DAB1: variants seen among roughly 807,000 people sequenced by gnomAD.
DAB1 encodes the protein DAB adaptor protein 1.
Under a neutral mutation model 64.6 loss-of-function variants are expected in DAB1, and 15 were observed. The ratio of observed to expected loss-of-function variants is 0.23; its 90% confidence interval spans 0.16 to 0.36. The LOEUF (loss-of-function observed/expected upper bound fraction) is 0.36. DAB1 is among the 10% of genes least tolerant of loss of function. The pLI is 1.00. For synonymous variants in DAB1, 235 were observed against 251.9 expected, an observed-to-expected ratio of 0.93 and a Z score of 0.64; for missense variants, 596 against 706.7, an observed-to-expected ratio of 0.84 and a Z score of 1.78.
intron 6 of DAB1, among the ~76,000 whole-genome samples, chr1:57,661,103 A>G (rs1646380982): frequency 6.6e-6 from 1 of 152,156 alleles, no homozygotes; most frequent in South Asian, 2.1e-4. Context: ...CCTTGTGATG[A>G]GACTTCTGGC....
At chr1:57,031,650 G>A (rs937963430) in intron 9 of DAB1, among the ~76,000 whole-genome samples, 2 of 152,160 alleles carry the variant, frequency 1.3e-5, no homozygotes, top group African/African-American at 2.4e-5. Context: ...CTTGTTCATC[G>A]ATCCATCACT....
chr1:58,071,651 C>G (rs1649273423), intron 5 of DAB1: 1 of 152,056 alleles, frequency 6.6e-6, no homozygotes, highest in African/African-American at 2.4e-5. Context: ...TTTACACAAG[C>G]CTTGAGGTTC....
intron 7 of DAB1, among the ~76,000 whole-genome samples, chr1:57,505,748 G>T (rs1321904948): frequency 6.6e-6 from 1 of 152,090 alleles, no homozygotes; most frequent in Non-Finnish European, 1.5e-5. Context: ...ACGGCTCACT[G>T]CAGCCTCAGC....
At chr1:58,413,469 G>A (rs1461851936) in intron 3 of DAB1, among the ~76,000 whole-genome samples, 1 of 152,088 alleles carries the variant, frequency 6.6e-6, no homozygotes, top group Non-Finnish European at 1.5e-5. Context: ...TCAAACTTGG[G>A]TGACCTTCTC....
At chr1:58,284,021 C>T (rs1661626166) in intron 4 of DAB1, among the ~76,000 whole-genome samples, 1 of 22,664 alleles carries the variant, frequency 4.4e-5, no homozygotes, top group South Asian at 2.3e-3. Flanking sequence ...AAGGGAAAAC[C>T]CACCTTTTCT....
At chr1:57,225,027 G>A (rs527301455) in intron 2 of DAB1, among the ~76,000 whole-genome samples, 61 of 152,290 alleles carry the variant, frequency 4.0e-4, no homozygotes, top group South Asian at 3.7e-3. Flanking sequence ...ACATATCAAG[G>A]ACACCTAGGG....
chr1:58,372,677 G>A (rs1034578303), intron 3 of DAB1, among the ~76,000 whole-genome samples: 1 of 152,204 alleles, frequency 6.6e-6, no homozygotes, highest in Non-Finnish European at 1.5e-5. Flanking sequence ...CCCACATGCC[G>A]AGGGAGGAAC....
rs990767258 is a variant in DAB1 at position 57,794,484 on chromosome 1, T to C, written n.551+89515A>G. The stretch of plus-strand genomic sequence containing the variant: ...TTTCTTCTTGGGATGTTCTACATTT[T>C]CAGCAGACAAAAATACAGCTTATCC... On this transcript the variant is annotated intron_variant and non_coding_transcript_variant, in intron 6 of 20. Coordinates refer to the DAB1 transcript ENST00000485760. Among the ~76,000 whole-genome samples the C allele has an allele frequency of 2.0e-5, 3 of 152,316 alleles. 1 individual carries two copies. In the South Asian group the frequency reaches 6.2e-4, roughly 32 times the overall value.
chr1:57,403,408 G>A (rs753160784), intron 1 of DAB1, among the ~76,000 whole-genome samples: 5 of 152,184 alleles, frequency 3.3e-5, no homozygotes, highest in Non-Finnish European at 5.9e-5. Context: ...TGGAGCTCTT[G>A]GCTCTAGCCA....
At chr1:57,719,254 G>A (rs1484865402) in intron 6 of DAB1, among the ~76,000 whole-genome samples, 3 of 152,130 alleles carry the variant, frequency 2.0e-5, no homozygotes, top group Non-Finnish European at 2.9e-5. Context: ...ACACTCTTCC[G>A]TGTTCTCCTT....
At chr1:57,753,195 T>C (rs777016931) in intron 6 of DAB1, among the ~76,000 whole-genome samples, 7 of 152,100 alleles carry the variant, frequency 4.6e-5, no homozygotes, top group Admixed American at 1.3e-4. Context: ...ACATTTAACA[T>C]AGGAAGCATA....
chr1:56,998,797 G>A lies in DAB1; in HGVS notation c.*16-669C>T, dbSNP rs546231060. Among the ~76,000 whole-genome samples the A allele has an allele frequency of 1.1e-4, 16 of 152,196 alleles. 1 individual carries two copies. Among genetic ancestry groups the A allele is most frequent in the African/African-American group, 3.4e-4 (14 of 41,512 alleles). ...GGCCAGTCATTTGCCTGCACCCAGG[G>A]GGCTGTCCTGAAACACATACAGGGA... On this transcript the variant is annotated intron_variant, in intron 14 of 14. Transcript: ENST00000371236.
chr1:58,122,465 G>A (rs1296322800), intron 5 of DAB1, among the ~76,000 whole-genome samples: 1 of 152,068 alleles, frequency 6.6e-6, no homozygotes. Flanking sequence ...TTGTTACATG[G>A]ATCAAATGAG....
chr1:58,182,589 T>C (rs1656856728), intron 4 of DAB1, among the ~76,000 whole-genome samples: 1 of 151,970 alleles, frequency 6.6e-6, no homozygotes, highest in Non-Finnish European at 1.5e-5. Flanking sequence ...TTGAGTAAAT[T>C]TTTTGTTTCA....
intron 4 of DAB1, among the ~76,000 whole-genome samples, chr1:58,276,945 C>T (rs1297623666): frequency 2.0e-5 from 3 of 151,750 alleles, no homozygotes; most frequent in South Asian, 2.1e-4. Context: ...CCTTTTGTGC[C>T]GTGTCCAGTT....
At chr1:57,395,066 C>G (rs1021104497) in intron 1 of DAB1, among the ~76,000 whole-genome samples, 1 of 152,084 alleles carries the variant, frequency 6.6e-6, no homozygotes, top group Admixed American at 6.5e-5. Flanking sequence ...ACTATGTCAC[C>G]GAGGCTGGAG....
At chr1:58,001,266 T>C (rs1218021306) in intron 5 of DAB1, among the ~76,000 whole-genome samples, 2 of 151,924 alleles carry the variant, frequency 1.3e-5, no homozygotes, top group Non-Finnish European at 2.9e-5. Flanking sequence ...CTCTTTTTTG[T>C]TTGTTTGTTT....
At chr1:57,027,650 C>T (rs1570537202) in intron 9 of DAB1, among the ~76,000 whole-genome samples, 1 of 152,076 alleles carries the variant, frequency 6.6e-6, no homozygotes, top group East Asian at 1.9e-4. Context: ...GATAAGATCT[C>T]CTTTGCAGAT....
chr1:57,263,871 G>A (rs1670384480), intron 2 of DAB1, among the ~76,000 whole-genome samples: 1 of 152,148 alleles, frequency 6.6e-6, no homozygotes, highest in Admixed American at 6.5e-5. Context: ...GGTCATAGCT[G>A]TTTGATGGTG....
Sources: allele counts gnomAD v4.1 joint callset (sites outside exome capture counted in the v4.1 genomes callset), GRCh38; gene constraint gnomAD v4.1.1; transcripts MANE v1.5; gene names NCBI Gene and HGNC (gene_info 2026-07-23, HGNC 2026-07-21).